The following RYR2 variants were observed in gnomAD, a reference collection of about 807,000 sequenced individuals.
The protein encoded by RYR2 is ryanodine receptor 2.
RYR2 carries 227 observed loss-of-function variants against 601.1 expected under a neutral mutation model. The observed-to-expected ratio is 0.38, with a 90% CI of 0.34 to 0.42. The LOEUF (loss-of-function observed/expected upper bound fraction) is 0.42, where lower values mean the gene tolerates loss of function less well. Among genes scored for constraint, RYR2 ranks in the 10% least tolerant of loss-of-function variants. RYR2 has a pLI of 1.00. For synonymous variants in RYR2, 2,223 were observed against 2,175.1 expected (o/e 1.02, Z -0.61); for missense variants, 4,646 against 6,156.5 (o/e 0.75, Z 8.21).
chr1:237,171,550 T>C (rs1382733293), intron 1 of RYR2, among the ~76,000 whole-genome samples: 1 of 152,216 alleles, frequency 6.6e-6, no homozygotes, highest in Non-Finnish European at 1.5e-5. Context: ...AGAAACCCTC[T>C]CAGCCCAGTG....
At chr1:237,506,680 ATG>A (rs769436198) in intron 22 of RYR2, 28 bp from the exon 23 acceptor site, 18 of 1,526,222 alleles carry the variant, frequency 1.2e-5, no homozygotes, top group Non-Finnish European at 1.5e-5. Context: ...TTTGTTTCTG[ATG>A]TGTCTTTTTT....
At chr1:237,209,497 A>ATATATGTGTGTGTGTGTG (rs138024057) in intron 1 of RYR2, among the ~76,000 whole-genome samples, 1 of 143,304 alleles carries the variant, frequency 7.0e-6, no homozygotes. Flanking sequence ...ATCTGCATAT[A>ATATATGTGTGTGTGTGTG]TGTGTGTGTG....
At chr1:237,269,591 T>G (rs1689480137) in intron 1 of RYR2, among the ~76,000 whole-genome samples, 1 of 152,208 alleles carries the variant, frequency 6.6e-6, no homozygotes, top group Admixed American at 6.5e-5. Context: ...GTCAGACTTT[T>G]TAGGCCCTTG....
intron 26 of RYR2, 115 bp from the exon 27 acceptor site, chr1:237,550,429 T>C: frequency 8.4e-7 from 1 of 1,183,536 alleles, no homozygotes; most frequent in Non-Finnish European, 1.2e-6. Flanking sequence ...GACGCATGGA[T>C]TGTGGAAGGG....
intron 47 of RYR2, among the ~76,000 whole-genome samples, chr1:237,641,731 G>A (rs1229085096): frequency 6.6e-6 from 1 of 151,962 alleles, no homozygotes; most frequent in African/African-American, 2.4e-5. Context: ...TAGTAGAGAC[G>A]GGGTTTTGCC....
rs7524497 is a variant in RYR2 at position 237,578,687 on chromosome 1, T to C, written c.3598+9368T>C. On this transcript the variant is annotated intron_variant, in intron 29 of 104. Transcript: ENST00000366574. ...GGGTAATTTTGGAGATTTGTTAAGG[T>C]CTCTCACCCATTCTGCAGTTTTGAT... 3.7e-3 allele frequency among the ~76,000 whole-genome samples: 285 copies of C among 76,430 alleles called. 1 individual carries two copies. The highest frequency in any genetic ancestry group is 0.017 in the East Asian group (15 of 882). 50.1% of individuals were successfully genotyped at this position (76,430 alleles called of 152,430 possible).
chr1:237,259,669 CAT>C (rs1388287554), intron 1 of RYR2, among the ~76,000 whole-genome samples: 1 of 152,110 alleles, frequency 6.6e-6, no homozygotes, highest in Non-Finnish European at 1.5e-5. Context: ...ATACAGTAAA[CAT>C]GTGAAAGGTA....
chr1:237,169,654 G>A (rs539816958), intron 1 of RYR2, among the ~76,000 whole-genome samples: 2 of 152,052 alleles, frequency 1.3e-5, no homozygotes, highest in South Asian at 2.1e-4. Flanking sequence ...AAATAAATAC[G>A]GCTGAAATTT....
intron 47 of RYR2, among the ~76,000 whole-genome samples, 164 bp downstream of exon 47, chr1:237,641,166 G>A (rs1681429151): frequency 1.3e-5 from 2 of 152,162 alleles, no homozygotes; most frequent in Non-Finnish European, 1.5e-5. Context: ...AGTTGGAAAT[G>A]TCTCGTTGGT....
intron 12 of RYR2, 126 bp downstream of exon 12, chr1:237,423,374 C>T (rs962733566): frequency 1.7e-6 from 2 of 1,152,014 alleles, no homozygotes; most frequent in Admixed American, 2.9e-5. Flanking sequence ...TTTCTAAATT[C>T]CCAGTTTCTC....
At chr1:237,269,978 A>ATATCATGATATG in intron 1 of RYR2, among the ~76,000 whole-genome samples, 1 of 152,338 alleles carries the variant, frequency 6.6e-6, no homozygotes, top group East Asian at 1.9e-4. Context: ...ATGATCAAGC[A>ATATCATGATATG]ACTAATGCTT....
At chr1:237,246,996 T>C (rs1265673787) in intron 1 of RYR2, among the ~76,000 whole-genome samples, 2 of 152,238 alleles carry the variant, frequency 1.3e-5, no homozygotes, top group Non-Finnish European at 2.9e-5. Flanking sequence ...GTCCTACATA[T>C]TATTTTGCGA....
chr1:237,372,598 CAT>C (rs1188504889), intron 6 of RYR2, among the ~76,000 whole-genome samples: 1 of 152,180 alleles, frequency 6.6e-6, no homozygotes, highest in Non-Finnish European at 1.5e-5. Flanking sequence ...AGAGCAATCA[CAT>C]ATTAAAATTT....
chr1:237,503,005 G>A (rs1346976255), intron 21 of RYR2, among the ~76,000 whole-genome samples: 1 of 152,098 alleles, frequency 6.6e-6, no homozygotes, highest in African/African-American at 2.4e-5. Context: ...TAAGAATGTG[G>A]TGCATGTGCT....
intron 10 of RYR2, among the ~76,000 whole-genome samples, chr1:237,394,157 GAA>G (rs1167587849): frequency 6.6e-6 from 1 of 152,130 alleles, no homozygotes; most frequent in African/African-American, 2.4e-5. Context: ...AAGAAAAAAA[GAA>G]AGAGAAGCAT....
intron 10 of RYR2, among the ~76,000 whole-genome samples, chr1:237,396,567 C>G (rs968689288): frequency 3.3e-5 from 5 of 152,168 alleles, no homozygotes; most frequent in African/African-American, 1.2e-4. Flanking sequence ...CCCTGTGTTT[C>G]TTTGCCTGAG....
chr1:237,427,873 C>CA (rs1706350740), intron 12 of RYR2, among the ~76,000 whole-genome samples: 2 of 135,102 alleles, frequency 1.5e-5, no homozygotes, highest in Non-Finnish European at 3.1e-5. Flanking sequence ...TTGCAGGAGA[C>CA]AAAAAAGGAT....
intron 42 of RYR2, among the ~76,000 whole-genome samples, chr1:237,632,557 G>A (rs886697793): frequency 2.0e-5 from 3 of 151,854 alleles, no homozygotes; most frequent in Admixed American, 6.6e-5. Flanking sequence ...ACCATTCCCT[G>A]CTAATTTTTT....
At chr1:237,650,540 C>T (rs962800730) in intron 50 of RYR2, among the ~76,000 whole-genome samples, 5 of 152,178 alleles carry the variant, frequency 3.3e-5, no homozygotes, top group African/African-American at 7.2e-5. Context: ...TGTGTGGCAA[C>T]GATGAAGGCT....
Sources: allele counts gnomAD v4.1 joint callset (sites outside exome capture counted in the v4.1 genomes callset), GRCh38; gene constraint gnomAD v4.1.1; transcripts MANE v1.5; gene names NCBI Gene and HGNC (gene_info 2026-07-23, HGNC 2026-07-21).